The following ACSBG2 variants were observed in gnomAD, a reference collection of about 807,000 sequenced individuals.
ACSBG2 encodes long-chain-fatty-acid--CoA ligase ACSBG2.
ACSBG2 carries 62 observed loss-of-function variants against 74.7 expected under a neutral mutation model. The ratio of observed to expected loss-of-function variants is 0.83; its 90% confidence interval spans 0.68 to 1.03. ACSBG2 has a LOEUF of 1.03. ACSBG2 is among the 50% of genes least tolerant of loss of function. The probability of loss-of-function intolerance (pLI) is 0.00; values close to 1 mark genes in which losing one functional copy is unlikely to be tolerated. For missense variants in ACSBG2, 730 were observed against 817.6 expected (o/e 0.89, Z 1.31); for synonymous variants, 309 against 294.1 (o/e 1.05, Z -0.52).
chr19:6,147,258 C>T (rs886621484), intron 2 of ACSBG2, among the ~76,000 whole-genome samples, 188 bp from the exon 3 acceptor site: 5 of 151,682 alleles, frequency 3.3e-5, no homozygotes, highest in Admixed American at 1.3e-4. Flanking sequence ...TTTGGCGGGG[C>T]GGGGAATGAA....
chr19:6,178,329 G>T (rs560475404), intron 8 of ACSBG2, among the ~76,000 whole-genome samples: 23 of 151,916 alleles, frequency 1.5e-4, no homozygotes, highest in African/African-American at 5.6e-4. Context: ...CATCTGATCT[G>T]TCACATGCTT....
At chr19:6,163,737 A>G (rs552427747) in intron 6 of ACSBG2, among the ~76,000 whole-genome samples, 1 of 149,444 alleles carries the variant, frequency 6.7e-6, no homozygotes, top group Non-Finnish European at 1.5e-5. Flanking sequence ...CCTGGGCGAC[A>G]GAGCAAGACT....
At chr19:6,141,430 A>C (rs909456974) in intron 1 of ACSBG2, 83 bp from the exon 2 acceptor site, 2 of 723,820 alleles carry the variant, frequency 2.8e-6, no homozygotes, top group Non-Finnish European at 5.0e-6. Context: ...CTAGGCAGAC[A>C]TGACCAGTGG....
intron 2 of ACSBG2, among the ~76,000 whole-genome samples, chr19:6,144,865 T>A (rs1007115095): frequency 4.9e-4 from 74 of 152,018 alleles, no homozygotes; most frequent in African/African-American, 1.7e-3. Context: ...CTGACTAAAT[T>A]TTGTATTTTT....
chr19:6,172,418 T>C (rs149362192), intron 7 of ACSBG2, among the ~76,000 whole-genome samples: 215 of 152,330 alleles, frequency 1.4e-3, no homozygotes, highest in South Asian at 2.9e-3. Flanking sequence ...TGTGTGATTG[T>C]ATGGCCTTGC....
intron 7 of ACSBG2, among the ~76,000 whole-genome samples, chr19:6,167,894 C>T (rs2089852485): frequency 6.6e-6 from 1 of 152,090 alleles, no homozygotes; most frequent in Admixed American, 6.6e-5. Context: ...ATTTTTGGCC[C>T]AGTCTCCATC....
intron 5 of ACSBG2, chr19:6,160,585 G>A (rs562554310): frequency 2.0e-5 from 3 of 152,304 alleles, no homozygotes; most frequent in East Asian, 3.9e-4. Context: ...GGAAAAGGAA[G>A]AGCCATGAGG....
chr19:6,153,880 A>AAATAAAAAAGAAAAG (rs1568226090), intron 4 of ACSBG2, among the ~76,000 whole-genome samples: 1 of 107,696 alleles, frequency 9.3e-6, no homozygotes. Context: ...AAAGAAAAGA[A>AAATAAAAAAGAAAAG]AAGGAAAAGA....
At position 6,170,846 on chromosome 19, in the gene ACSBG2, A is replaced by G. The variant is rs376480453; in HGVS notation, c.738+4831A>G. Among the ~76,000 whole-genome samples, 69 of 152,258 alleles carry G rather than the reference A, an allele frequency of 4.5e-4. 2 individuals carry two copies. The South Asian group carries it at 7.5e-3, about 16-fold the overall frequency. ...CAGTGGGGTGTTGAAGTCCCTCACA[A>G]TTATTGTATGGCTATCTCTTAAGTC... On this transcript the variant is annotated intron_variant, in intron 7 of 14. Coordinates refer to ENST00000588485, the MANE Select transcript of ACSBG2 (RefSeq NM_030924.5).
In ACSBG2 at chr19:6,187,619, C is replaced by T. The variant is rs138393323; in HGVS notation, c.1701C>T (p.Ser567=). 139 of 1,613,928 alleles carry T rather than the reference C, an allele frequency of 8.6e-5. No homozygotes were observed. The highest frequency in any genetic ancestry group is 6.0e-4 in the Admixed American group (36 of 59,982). ...GGCAGTGTGAGATGAATCAGATGAG[C>T]GGAGAACCTCTGGACAAGCTGAACT... The part of the protein sequence containing the change: ...LTLKCEMNQM[S]GEPLDKLNFE... Residue 567 remains serine, a synonymous_variant, in exon 13 of 15, where the codon AGC becomes AGT. Transcript: ENST00000588485.
chr19:6,156,785 CAT>C (rs1568228748), intron 5 of ACSBG2, among the ~76,000 whole-genome samples: 1 of 144,638 alleles, frequency 6.9e-6, no homozygotes, highest in African/African-American at 2.8e-5. Context: ...ACTCAGCCTC[CAT>C]TTTTTTTTTT....
chr19:6,153,889 GA>G (rs11338612), intron 4 of ACSBG2, among the ~76,000 whole-genome samples: 17,158 of 123,150 alleles, frequency 0.14, 1,980 homozygotes, highest in African/African-American at 0.34. Context: ...AAAAGGAAAA[GA>G]AAAAAGAAAA....
chr19:6,161,879 A>C (rs780376882), intron 6 of ACSBG2, among the ~76,000 whole-genome samples: 2 of 152,178 alleles, frequency 1.3e-5, no homozygotes, highest in Non-Finnish European at 2.9e-5. Flanking sequence ...GGCTAAAAAA[A>C]ATCAGTCATT....
At chr19:6,150,455 A>G (rs376190818) in intron 3 of ACSBG2, among the ~76,000 whole-genome samples, 13 of 152,278 alleles carry the variant, frequency 8.5e-5, no homozygotes, top group South Asian at 2.1e-4. Flanking sequence ...GTGTCCATCA[A>G]TGGAAGAATG....
At chr19:6,156,047 A>G (rs550745233) in intron 4 of ACSBG2, among the ~76,000 whole-genome samples, 18 of 152,102 alleles carry the variant, frequency 1.2e-4, no homozygotes, top group Non-Finnish European at 2.2e-4. Context: ...TTAAAAGCAA[A>G]AGAGGATGCA....
intron 12 of ACSBG2, 24 bp from the exon 13 acceptor site, chr19:6,187,575 G>A (rs779386623): frequency 3.1e-6 from 5 of 1,613,630 alleles, no homozygotes; most frequent in Non-Finnish European, 4.2e-6. Flanking sequence ...GAGCATGGGT[G>A]GTGACAGAGG....
chr19:6,190,898 TCTCTA>T (rs541468480), intron 14 of ACSBG2: 11 of 448,804 alleles, frequency 2.5e-5, no homozygotes, highest in South Asian at 2.1e-4. Context: ...ACTCATGCTG[TCTCTA>T]CTCTACCAGG....
intron 4 of ACSBG2, 109 bp downstream of exon 4, chr19:6,151,904 C>T (rs2089253223): frequency 5.2e-6 from 5 of 963,036 alleles, no homozygotes; most frequent in Non-Finnish European, 8.0e-6. Flanking sequence ...TGGATGAACG[C>T]CCTAGTTAGC....
chr19:6,161,320 G>A (rs1464383653), intron 6 of ACSBG2, 25 bp downstream of exon 6: 1 of 1,603,412 alleles, frequency 6.2e-7, no homozygotes, highest in South Asian at 1.1e-5. Flanking sequence ...TGGGCACTGG[G>A]GAAAGGGGAG....
Sources: allele counts gnomAD v4.1 joint callset (sites outside exome capture counted in the v4.1 genomes callset), GRCh38; gene constraint gnomAD v4.1.1; transcripts MANE v1.5; gene names NCBI Gene and HGNC (gene_info 2026-07-23, HGNC 2026-07-21).